DZIP1L: variants seen among roughly 807,000 people sequenced by gnomAD.
DZIP1L encodes cilium assembly protein DZIP1L.
DZIP1L carries 90 observed loss-of-function variants against 88.7 expected under a neutral mutation model. The observed-to-expected ratio is 1.02, with a 90% CI of 0.86 to 1.21. The LOEUF is 1.21. Ranked by LOEUF, DZIP1L falls within the 50% of genes most tolerant of loss-of-function variation. The pLI is 0.00. For synonymous variants in DZIP1L, 363 were observed against 372.1 expected, an observed-to-expected ratio of 0.98 and a Z score of 0.28; for missense variants, 932 against 955.8, an observed-to-expected ratio of 0.98 and a Z score of 0.33.
chr3:138,080,650 C>G, intron 9 of DZIP1L, 30 bp from the exon 10 acceptor site: 9 of 1,610,972 alleles, frequency 5.6e-6, no homozygotes, highest in Non-Finnish European at 6.8e-6. Flanking sequence ...TTAGTGGCAC[C>G]AGTGCTCTGG....
intron 5 of DZIP1L, 110 bp downstream of exon 5, chr3:138,092,273 G>C (rs746384916): frequency 4.9e-6 from 6 of 1,229,210 alleles, no homozygotes; most frequent in Non-Finnish European, 6.4e-6. Context: ...TGGCCTCACA[G>C]TGTTTTAGCT....
At chr3:138,098,326 A>G (rs1184628981) in intron 2 of DZIP1L, among the ~76,000 whole-genome samples, 1 of 152,214 alleles carries the variant, frequency 6.6e-6, no homozygotes, top group African/African-American at 2.4e-5. Context: ...TATTCTCTCT[A>G]CTATTGTACA....
intron 8 of DZIP1L, 116 bp downstream of exon 8, chr3:138,083,997 T>G (rs1943801089): frequency 7.0e-7 from 1 of 1,429,166 alleles, no homozygotes; most frequent in Non-Finnish European, 9.4e-7. Context: ...TTCTCTCTCC[T>G]TAAGGAGCCT....
chr3:138,115,145 C>T (rs1329663784), intron 1 of DZIP1L, among the ~76,000 whole-genome samples, 183 bp downstream of exon 1: 3 of 152,062 alleles, frequency 2.0e-5, no homozygotes, highest in Non-Finnish European at 4.4e-5. Context: ...GAAGGGCGCG[C>T]CCTGGGCAGC....
intron 6 of DZIP1L, among the ~76,000 whole-genome samples, chr3:138,087,404 G>A (rs933759750): frequency 2.6e-5 from 4 of 152,166 alleles, no homozygotes; most frequent in South Asian, 2.1e-4. Context: ...AAGAAAATAC[G>A]AATAATTGGA....
At position 138,068,208 on chromosome 3, in the gene DZIP1L, G is replaced by C. The variant is rs775012857; in HGVS notation, c.1775C>G (p.Pro592Arg). The change falls in exon 13 of 16, where the codon CCA becomes CGA. Residue 592 changes from proline to arginine, a missense_variant. Coordinates refer to ENST00000327532, the MANE Select transcript of DZIP1L (RefSeq NM_173543.3). ...GGAGGGTCCATGCAGTCCGGGGCGT[G>C]GAGCGGGGGCGGACACCTGGGTCAG... ...SSLTQVSAPA[P>R]RPGLHGPSST... is the part of the protein sequence containing the mutation. 6.3e-7 allele frequency: 1 copy of C among 1,590,766 alleles called. No individual in the cohort carries two copies. Among genetic ancestry groups the C allele is most frequent in the Non-Finnish European group, 8.6e-7 (1 of 1,167,372 alleles).
At chr3:138,096,115 T>TG (rs1007304369) in intron 3 of DZIP1L, among the ~76,000 whole-genome samples, 2 of 152,208 alleles carry the variant, frequency 1.3e-5, no homozygotes, top group African/African-American at 4.8e-5. Context: ...AATTTTTAGT[T>TG]GCAGTAGAAA....
Position 138,105,379 on chromosome 3 carries a change from T to C in DZIP1L, c.-81-1327A>G, listed in dbSNP as rs560411300. On this transcript the variant is annotated intron_variant, in intron 1 of 15. Coordinates refer to ENST00000327532, the MANE Select transcript of DZIP1L (RefSeq NM_173543.3). ...CATTTTATATAAATATATATATATA[T>C]ACATATTCAGTCGTCTGTCAGTGTC... Among the ~76,000 whole-genome samples, 12 of 151,802 alleles carry C rather than the reference T, an allele frequency of 7.9e-5. No homozygotes were observed. In the South Asian group the frequency reaches 1.7e-3, roughly 21 times the overall value.
At chr3:138,102,814 G>A (rs767346767) in intron 2 of DZIP1L, 12 of 736,806 alleles carry the variant, frequency 1.6e-5, no homozygotes, top group Non-Finnish European at 2.8e-5. Context: ...GAAGCTCAAG[G>A]AGCTGATGCC....
chr3:138,102,748 G>A (rs1024968715), intron 2 of DZIP1L: 3 of 785,152 alleles, frequency 3.8e-6, no homozygotes, highest in African/African-American at 3.4e-5. Context: ...CATGCCACTG[G>A]CCCCACCATA....
At chr3:138,104,140 A>G in intron 1 of DZIP1L, 88 bp from the exon 2 acceptor site, 1 of 1,252,174 alleles carries the variant, frequency 8.0e-7, no homozygotes, top group Non-Finnish European at 1.1e-6. Flanking sequence ...TAAGCGGGGC[A>G]AAGTGAGGTG....
chr3:138,109,285 A>C (rs2042576850), intron 1 of DZIP1L, among the ~76,000 whole-genome samples: 1 of 152,318 alleles, frequency 6.6e-6, no homozygotes, highest in Middle Eastern at 3.4e-3. Context: ...ATTTCTCAGG[A>C]CAAGCCCTTG....
intron 1 of DZIP1L, among the ~76,000 whole-genome samples, chr3:138,112,763 A>G (rs561815700): frequency 2.9e-4 from 44 of 152,310 alleles, no homozygotes; most frequent in African/African-American, 1.0e-3. Context: ...CCTGGCCAAC[A>G]TGGCGAAATC....
chr3:138,076,819 G>A (rs764227536), intron 11 of DZIP1L, among the ~76,000 whole-genome samples: 5 of 152,068 alleles, frequency 3.3e-5, no homozygotes, highest in East Asian at 1.9e-4. Flanking sequence ...TACTGTTCAC[G>A]TGATGTGTGC....
intron 8 of DZIP1L, among the ~76,000 whole-genome samples, chr3:138,083,572 T>A (rs1045845604): frequency 1.3e-5 from 2 of 152,232 alleles, no homozygotes; most frequent in African/African-American, 4.8e-5. Flanking sequence ...CACACTGCTT[T>A]ATCTCTCACC....
At chr3:138,115,181 C>G (rs1361011187) in intron 1 of DZIP1L, 147 bp downstream of exon 1, 1 of 152,174 alleles carries the variant, frequency 6.6e-6, no homozygotes, top group Non-Finnish European at 1.5e-5. Flanking sequence ...CGGCTCCTCC[C>G]GCGCCCCGCT....
chr3:138,078,582 T>G (rs1003503314), intron 10 of DZIP1L, among the ~76,000 whole-genome samples: 16 of 152,218 alleles, frequency 1.1e-4, no homozygotes, highest in Non-Finnish European at 1.5e-4. Context: ...GGTCCTTAAC[T>G]GTGAGCCAAA....
chr3:138,062,731 G>C lies in DZIP1L; in HGVS notation c.*85C>G, dbSNP rs1942750009. ...ATCTCTTGGTTGTTTGTGAAGACAAGAGGCCCAGCAGCCTCTTCTGTTGAA... is the reference window on the plus strand; with the variant it reads ...ATCTCTTGGTTGTTTGTGAAGACAACAGGCCCAGCAGCCTCTTCTGTTGAA... On this transcript the variant is annotated 3_prime_UTR_variant, in exon 16 of 16. Coordinates refer to ENST00000327532, the MANE Select transcript of DZIP1L (RefSeq NM_173543.3). 6.8e-7 allele frequency: 1 copy of C among 1,467,822 alleles called. No individual in the cohort carries two copies. The allele number at this position is 1,467,822 out of a possible 1,614,324, so 90.9% of individuals were successfully genotyped here. A position where few individuals can be genotyped will look rare whatever the true frequency, so the allele number is the denominator to read the frequency against.
At chr3:138,073,889 A>G (rs1016344549) in intron 11 of DZIP1L, among the ~76,000 whole-genome samples, 1 of 152,198 alleles carries the variant, frequency 6.6e-6, no homozygotes, top group Non-Finnish European at 1.5e-5. Context: ...CTGGAAATCA[A>G]AAACACACTT....
Sources: gnomAD v4.1 joint callset for allele counts (sites outside exome capture counted in the v4.1 genomes callset) on GRCh38, gnomAD v4.1.1 for gene constraint, MANE v1.5 for transcripts, NCBI Gene and HGNC (gene_info 2026-07-23, HGNC 2026-07-21) for gene names.